The following PPEF1 variants were observed in gnomAD, a reference collection of about 807,000 sequenced individuals.
The protein encoded by PPEF1 is serine/threonine-protein phosphatase with EF-hands 1.
In PPEF1, 12 loss-of-function variants were observed where a neutral mutation model predicts 53.3. The ratio of observed to expected loss-of-function variants is 0.23; its 90% confidence interval spans 0.14 to 0.36. The LOEUF (loss-of-function observed/expected upper bound fraction) is 0.36, where lower values mean the gene tolerates loss of function less well. PPEF1 is among the 10% of genes least tolerant of loss of function. The probability of loss-of-function intolerance (pLI) is 1.00; values close to 1 mark genes in which losing one functional copy is unlikely to be tolerated. For synonymous variants in PPEF1, 165 were observed against 176.7 expected, an observed-to-expected ratio of 0.93 and a Z score of 0.52; for missense variants, 334 against 490.4, an observed-to-expected ratio of 0.68 and a Z score of 3.01.
intron 6 of PPEF1, among the ~76,000 whole-genome samples, chrX:18,766,004 G>T (rs2045757526): frequency 9.7e-6 from 1 of 102,836 alleles, no homozygotes; most frequent in East Asian, 3.1e-4. Flanking sequence ...GGTGGAGGTT[G>T]CAATGAGCCA....
intron 5 of PPEF1, among the ~76,000 whole-genome samples, chrX:18,758,473 A>G (rs1164118427): frequency 8.9e-6 from 1 of 112,050 alleles, no homozygotes; most frequent in Non-Finnish European, 1.9e-5. Flanking sequence ...GGCAGGTAGA[A>G]GTGAATTTGA....
At chrX:18,825,640 T>C (rs1344064786) in intron 14 of PPEF1, 111 bp from the exon 15 acceptor site, 1 of 467,533 alleles carries the variant, frequency 2.1e-6, no homozygotes, top group Middle Eastern at 6.7e-4. Flanking sequence ...GATTTCTGTC[T>C]AAATCACATC....
intron 10 of PPEF1, among the ~76,000 whole-genome samples, chrX:18,802,720 C>T (rs1326725462): frequency 8.9e-6 from 1 of 111,827 alleles, no homozygotes; most frequent in Non-Finnish European, 1.9e-5. Context: ...TATTAAGACA[C>T]ACCTAATGTG....
At chrX:18,761,764 A>G (rs7881731) in intron 6 of PPEF1, among the ~76,000 whole-genome samples, 188 bp downstream of exon 6, 3,391 of 109,582 alleles carry the variant, frequency 0.031, 125 homozygotes, top group African/African-American at 0.1. Context: ...ATAAATTTTT[A>G]AAAAATTGTA....
intron 3 of PPEF1, 92 bp from the exon 4 acceptor site, chrX:18,749,700 A>C: frequency 3.2e-6 from 2 of 625,902 alleles, no homozygotes; most frequent in East Asian, 3.6e-5. Flanking sequence ...TACATGGGCT[A>C]GGTATTCAAG....
At chrX:18,680,291 G>A (rs944320996), upstream of PPEF1, among the ~76,000 whole-genome samples, 13 of 109,212 alleles carry the variant, frequency 1.2e-4, no homozygotes, top group South Asian at 4.3e-3. Context: ...CACCTTGCTC[G>A]GGTCATACCC....
chrX:18,776,723 C>A (rs759526158), intron 6 of PPEF1, among the ~76,000 whole-genome samples: 1 of 111,047 alleles, frequency 9.0e-6, no homozygotes, highest in Non-Finnish European at 1.9e-5. Flanking sequence ...GAGTTCAAGA[C>A]CAGCCTGACC....
intron 12 of PPEF1, among the ~76,000 whole-genome samples, chrX:18,810,928 T>G (rs1217640882): frequency 1.8e-5 from 2 of 112,532 alleles, no homozygotes; most frequent in African/African-American, 3.2e-5. Context: ...AACTCTGTGT[T>G]TAACATTTTG....
chrX:18,743,683 A>G (rs1225908605), intron 3 of PPEF1, among the ~76,000 whole-genome samples: 1 of 108,896 alleles, frequency 9.2e-6, no homozygotes, highest in African/African-American at 3.3e-5. Flanking sequence ...TCCTGACCTC[A>G]GGTGATCCGC....
intron 14 of PPEF1, among the ~76,000 whole-genome samples, chrX:18,824,861 A>G (rs998615863): frequency 1.8e-5 from 2 of 110,478 alleles, no homozygotes; most frequent in Non-Finnish European, 3.8e-5. Context: ...ATGGGGTTTC[A>G]CCATGTTGAC....
At chrX:18,678,543 G>C (rs969796106), upstream of PPEF1, among the ~76,000 whole-genome samples, 1 of 111,750 alleles carries the variant, frequency 8.9e-6, no homozygotes, top group African/African-American at 3.3e-5. Context: ...TCTTAGATTG[G>C]TCTGGTGCTC....
At chrX:18,792,660 A>G (rs2046344613) in intron 10 of PPEF1, among the ~76,000 whole-genome samples, 1 of 111,288 alleles carries the variant, frequency 9.0e-6, no homozygotes, top group Non-Finnish European at 1.9e-5. Context: ...TCTATTCTCT[A>G]TTTCATTTAT....
At position 18,767,405 on chromosome X, in the gene PPEF1, C is replaced by T. The variant is rs190056723; in HGVS notation, c.558+5829C>T. The stretch of plus-strand genomic sequence containing the variant: ...ACTAAAAATACAAAAATTAGCTGGG[C>T]GTGGTGGCACACACCCGTAGTCCCA... On this transcript the variant is annotated intron_variant, in intron 6 of 15. Transcript: ENST00000470157. 7.0e-3 allele frequency among the ~76,000 whole-genome samples: 774 copies of T among 111,140 alleles called. 4 individuals carry two copies. Among genetic ancestry groups the T allele is most frequent in the Middle Eastern group, 0.014 (3 of 218 alleles).
chrX:18,725,095 G>A (rs763182426), intron 1 of PPEF1, among the ~76,000 whole-genome samples: 2 of 110,983 alleles, frequency 1.8e-5, no homozygotes, highest in Admixed American at 1.9e-4. Context: ...CTCTAATGAC[G>A]GCGTGCGTTG....
In PPEF1 at chrX:18,713,420, C is replaced by CT. The variant is rs55997147; in HGVS notation, c.46+5612dup. On this transcript the variant is annotated intron_variant, in intron 1 of 15. Coordinates refer to ENST00000470157, the MANE Select transcript of PPEF1 (RefSeq NM_001377996.1). ...TTGTTCAGAGTATTCCCTTAAAATT[C>CT]TTTTTTTTTTTTTTTTTTCTTTACT... Among the ~76,000 whole-genome samples the CT allele has an allele frequency of 2.3e-3, 178 of 77,483 alleles. 1 individual carries two copies. The highest frequency in any genetic ancestry group is 3.2e-3 in the Non-Finnish European group (134 of 42,290). 67.3% of individuals were successfully genotyped at this position (77,483 alleles called of 115,157 possible).
chrX:18,793,151 A>G (rs986242962), intron 10 of PPEF1, among the ~76,000 whole-genome samples: 4 of 108,777 alleles, frequency 3.7e-5, no homozygotes, highest in Non-Finnish European at 7.6e-5. Flanking sequence ...TTTTTTAACA[A>G]AGATACAAAT....
intron 13 of PPEF1, among the ~76,000 whole-genome samples, chrX:18,820,388 CTT>C (rs35499193): frequency 6.7e-4 from 64 of 95,095 alleles, no homozygotes; most frequent in Non-Finnish European, 6.6e-4. Flanking sequence ...TTAGCAGACT[CTT>C]TTTTTTTTTT....
intron 6 of PPEF1, among the ~76,000 whole-genome samples, chrX:18,766,158 G>C (rs903706171): frequency 5.4e-5 from 6 of 110,203 alleles, no homozygotes; most frequent in Non-Finnish European, 1.9e-5. Context: ...AGAATGACAC[G>C]TAGAGCTTGG....
chrX:18,778,409 GA>G (rs1407532905), intron 6 of PPEF1, among the ~76,000 whole-genome samples: 3 of 111,571 alleles, frequency 2.7e-5, no homozygotes, highest in Non-Finnish European at 5.6e-5. Context: ...TGATCACTGA[GA>G]ATATACCCGG....
Sources: gnomAD v4.1 joint callset for allele counts (sites outside exome capture counted in the v4.1 genomes callset) on GRCh38, gnomAD v4.1.1 for gene constraint, MANE v1.5 for transcripts, NCBI Gene and HGNC (gene_info 2026-07-23, HGNC 2026-07-21) for gene names.